Variants in CCDC138 observed in about 807,000 individuals in gnomAD.
CCDC138 encodes the protein coiled-coil domain containing 138, also known as coiled-coil domain-containing protein 138.
CCDC138 carries 66 observed loss-of-function variants against 82.3 expected under a neutral mutation model. The ratio of observed to expected loss-of-function variants is 0.80; its 90% CI spans 0.66 to 0.98. The LOEUF (loss-of-function observed/expected upper bound fraction) is 0.98. Ranked by LOEUF, CCDC138 falls within the 50% of genes least tolerant of loss-of-function variation. CCDC138 has a pLI of 0.00. For missense variants in CCDC138, 816 were observed against 758.9 expected (o/e 1.08, Z -0.88); for synonymous variants, 297 against 265.4 (o/e 1.12, Z -1.16).
intron 10 of CCDC138, among the ~76,000 whole-genome samples, chr2:108,822,740 C>G (rs1243069669): frequency 6.6e-6 from 1 of 152,058 alleles, no homozygotes; most frequent in Non-Finnish European, 1.5e-5. Flanking sequence ...TGGCAAATAC[C>G]TTGAAACAAA....
chr2:108,818,891 A>G (rs1238037449), intron 10 of CCDC138, among the ~76,000 whole-genome samples: 1 of 152,116 alleles, frequency 6.6e-6, no homozygotes, highest in Non-Finnish European at 1.5e-5. Context: ...AAAAACACCT[A>G]AAGCCATTGA....
chr2:108,855,515 A>C (rs751870381), intron 12 of CCDC138, among the ~76,000 whole-genome samples: 4 of 152,100 alleles, frequency 2.6e-5, no homozygotes, highest in Non-Finnish European at 4.4e-5. Flanking sequence ...GTTTCTAAAT[A>C]AGGCAAGTCT....
At chr2:108,878,891 C>T (rs1474096578), downstream of CCDC138, among the ~76,000 whole-genome samples, 1 of 151,594 alleles carries the variant, frequency 6.6e-6, no homozygotes, top group Non-Finnish European at 1.5e-5. Context: ...ATCAAGGAAA[C>T]TATTAAAAAT....
Position 108,817,409 on chromosome 2 carries a change from C to T in CCDC138, c.1206+1304C>T, listed in dbSNP as rs754965304. Among the ~76,000 whole-genome samples the T allele has an allele frequency of 9.9e-5, 15 of 152,208 alleles. No homozygotes were observed. The Middle Eastern group carries it at 0.01, about 104-fold the overall frequency. ...CCGGGTTCAAGTGATTCTCCTGCCT[C>T]AGTCTCCCAAGTAGCTGAGACTACA... On this transcript the variant is annotated intron_variant, in intron 10 of 14. Coordinates refer to ENST00000295124, the MANE Select transcript of CCDC138 (RefSeq NM_144978.3).
chr2:108,821,347 G>A (rs1685663107), intron 10 of CCDC138, among the ~76,000 whole-genome samples: 1 of 150,468 alleles, frequency 6.6e-6, no homozygotes, highest in Non-Finnish European at 1.5e-5. Context: ...AACAGGGTGA[G>A]ACTCCGTCTC....
intron 10 of CCDC138, among the ~76,000 whole-genome samples, chr2:108,818,708 C>T (rs1574055856): frequency 6.6e-6 from 1 of 151,814 alleles, no homozygotes; most frequent in Admixed American, 6.6e-5. Context: ...TTTTTGTTAT[C>T]GGACTCTGTT....
chr2:108,848,186 A>G (rs977591789), intron 12 of CCDC138, among the ~76,000 whole-genome samples: 1 of 152,242 alleles, frequency 6.6e-6, no homozygotes, highest in African/African-American at 2.4e-5. Context: ...TTGAAATAAT[A>G]TGTCAACATA....
intron 10 of CCDC138, among the ~76,000 whole-genome samples, chr2:108,830,722 C>T (rs12472088): frequency 0.62 from 93,483 of 151,844 alleles, 29,964 homozygotes; most frequent in East Asian, 0.88. Flanking sequence ...GCAAGAGAGT[C>T]GCTTGAACCC....
At chr2:108,834,214 A>ATT (rs111563636) in intron 10 of CCDC138, among the ~76,000 whole-genome samples, 35 of 139,680 alleles carry the variant, frequency 2.5e-4, no homozygotes, top group African/African-American at 5.4e-4. Flanking sequence ...CATCTTTGAA[A>ATT]TTTTTTTTTT....
At chr2:108,885,135 T>C (rs560507860) in exon 3 of CCDC138, 1 of 152,350 alleles carries the variant, frequency 6.6e-6, no homozygotes, top group African/African-American at 2.4e-5. Context: ...TTCCAGCCTT[T>C]CTTCCTATTC....
At chr2:108,839,809 T>TG (rs1220385353) in intron 11 of CCDC138, among the ~76,000 whole-genome samples, 1 of 152,044 alleles carries the variant, frequency 6.6e-6, no homozygotes, top group Non-Finnish European at 1.5e-5. Context: ...TATCTGCAAA[T>TG]GAAAACAGTG....
At chr2:108,828,942 C>A (rs1446625668) in intron 10 of CCDC138, among the ~76,000 whole-genome samples, 2 of 152,104 alleles carry the variant, frequency 1.3e-5, no homozygotes, top group African/African-American at 2.4e-5. Context: ...CACGCCATTG[C>A]ACTCCAGCCC....
rs908803173 is a variant in CCDC138 at position 108,867,177 on chromosome 2, T to C, written c.1694-6274T>C. Among the ~76,000 whole-genome samples the C allele has an allele frequency of 7.2e-5, 11 of 152,260 alleles. No individual in the cohort carries two copies. In the East Asian group the frequency reaches 2.1e-3, roughly 29 times the overall value. ...TGGGGCTCTGAGAAATTAAGTGACTTATTTAATGTCACAGGGCTAGGGCCA... is the reference window on the plus strand; with the variant it reads ...TGGGGCTCTGAGAAATTAAGTGACTCATTTAATGTCACAGGGCTAGGGCCA... On this transcript the variant is annotated intron_variant, in intron 13 of 14. Transcript: ENST00000295124.
At chr2:108,814,549 C>T (rs1684423411) in intron 9 of CCDC138, among the ~76,000 whole-genome samples, 2 of 151,824 alleles carry the variant, frequency 1.3e-5, no homozygotes, top group South Asian at 4.1e-4. Flanking sequence ...ATCATTTTGT[C>T]TTTAGTCATT....
chr2:108,810,592 A>C (rs535576431), intron 7 of CCDC138, among the ~76,000 whole-genome samples: 21 of 152,224 alleles, frequency 1.4e-4, no homozygotes, highest in African/African-American at 4.8e-4. Flanking sequence ...TTTTGCATCT[A>C]TGTTCATCAG....
intron 10 of CCDC138, among the ~76,000 whole-genome samples, chr2:108,816,471 A>G (rs960415045): frequency 3.3e-5 from 5 of 152,084 alleles, no homozygotes; most frequent in African/African-American, 1.2e-4. Flanking sequence ...AACAAAAAAC[A>G]AATTTGAGGG....
intron 10 of CCDC138, among the ~76,000 whole-genome samples, chr2:108,825,809 C>T (rs746848556): frequency 5.9e-5 from 9 of 152,142 alleles, no homozygotes; most frequent in Non-Finnish European, 1.2e-4. Flanking sequence ...TTCTTGACTA[C>T]ATACCTAAGA....
chr2:108,838,520 TG>T (rs1431466753), intron 10 of CCDC138, among the ~76,000 whole-genome samples: 4 of 152,196 alleles, frequency 2.6e-5, no homozygotes, highest in African/African-American at 7.2e-5. Flanking sequence ...TTTCTTAGGC[TG>T]GTATCTCAGA....
chr2:108,789,959 C>A (rs539782467), intron 3 of CCDC138, among the ~76,000 whole-genome samples: 67 of 152,252 alleles, frequency 4.4e-4, no homozygotes, highest in African/African-American at 1.5e-3. Context: ...CCATATATAA[C>A]ATGAAATGTT....
Sources: allele counts gnomAD v4.1 joint callset (sites outside exome capture counted in the v4.1 genomes callset), GRCh38; gene constraint gnomAD v4.1.1; transcripts MANE v1.5; gene names NCBI Gene and HGNC (gene_info 2026-07-23, HGNC 2026-07-21).